The following SMURF2 variants were observed in gnomAD, a reference collection of about 807,000 sequenced individuals.
The protein encoded by SMURF2 is SMAD specific E3 ubiquitin protein ligase 2.
A neutral mutation model predicts 109.6 loss-of-function variants in SMURF2; 48 were observed. The observed-to-expected ratio is 0.44, with a 90% CI of 0.35 to 0.56. SMURF2 has a LOEUF of 0.56. Ranked by LOEUF, SMURF2 falls within the 20% of genes least tolerant of loss-of-function variation. The pLI, the probability that SMURF2 is intolerant of heterozygous loss-of-function variation, is 0.01. For synonymous variants in SMURF2, 288 were observed against 317.1 expected, an observed-to-expected ratio of 0.91 and a Z score of 0.97; for missense variants, 575 against 909.0, an observed-to-expected ratio of 0.63 and a Z score of 4.72.
At chr17:64,606,566 C>CT in intron 2 of SMURF2, 36 bp downstream of exon 2, 1 of 1,428,066 alleles carries the variant, frequency 7.0e-7, no homozygotes, top group Non-Finnish European at 9.6e-7. Context: ...CAAAGATCTA[C>CT]ATACAATACA....
intron 8 of SMURF2, among the ~76,000 whole-genome samples, chr17:64,580,377 G>A (rs73993986): frequency 0.024 from 3,673 of 152,168 alleles, 159 homozygotes; most frequent in African/African-American, 0.084. Context: ...TCAGAAATAT[G>A]CCTTTAAAAT....
At chr17:64,604,962 G>A (rs1202322294) in intron 2 of SMURF2, among the ~76,000 whole-genome samples, 3 of 151,008 alleles carry the variant, frequency 2.0e-5, no homozygotes, top group Non-Finnish European at 4.4e-5. Flanking sequence ...AAAAGGAAAA[G>A]TGCTCCCCTT....
chr17:64,614,375 G>A (rs1314701336), intron 1 of SMURF2, among the ~76,000 whole-genome samples: 1 of 152,050 alleles, frequency 6.6e-6, no homozygotes, highest in African/African-American at 2.4e-5. Context: ...TTTTATTAGT[G>A]CTAACTACAA....
chr17:64,573,247 A>G (rs1598277352), intron 9 of SMURF2, among the ~76,000 whole-genome samples: 1 of 18,608 alleles, frequency 5.4e-5, no homozygotes, highest in Admixed American at 8.9e-4. Context: ...GAGGAGGAGG[A>G]GGAGGGGAGG....
At chr17:64,613,297 T>A (rs1426489943) in intron 1 of SMURF2, among the ~76,000 whole-genome samples, 1 of 152,110 alleles carries the variant, frequency 6.6e-6, no homozygotes, top group East Asian at 1.9e-4. Context: ...CACAGCAAAT[T>A]CTCAACTAAG....
intron 15 of SMURF2, among the ~76,000 whole-genome samples, chr17:64,552,030 C>T (rs1043888983): frequency 6.6e-6 from 1 of 152,092 alleles, no homozygotes; most frequent in East Asian, 1.9e-4. Context: ...AGCATACATG[C>T]CAATAACTAG....
At chr17:64,565,896 T>C (rs1969293754) in intron 10 of SMURF2, among the ~76,000 whole-genome samples, 1 of 152,164 alleles carries the variant, frequency 6.6e-6, no homozygotes, top group Non-Finnish European at 1.5e-5. Flanking sequence ...AATGCTTTCT[T>C]AGAAGAATAT....
At chr17:64,601,559 C>T (rs1232565356) in intron 2 of SMURF2, among the ~76,000 whole-genome samples, 3 of 152,036 alleles carry the variant, frequency 2.0e-5, no homozygotes, top group African/African-American at 7.3e-5. Context: ...CAGATGTTGG[C>T]ATGGATGCAG....
In SMURF2 at chr17:64,547,188, T is replaced by C. The variant is rs75665319; in HGVS notation, c.2071+412A>G. 5.0e-3 allele frequency among the ~76,000 whole-genome samples: 754 copies of C among 152,296 alleles called. 30 individuals carry two copies. The East Asian group carries it at 0.061, about 12-fold the overall frequency. Reference sequence around the variant, plus strand: ...GCTCTGACCGAACAGATGGTTTCCATGACCCATGCTGCTTCTGTCTAATAA... The same window carrying C: ...GCTCTGACCGAACAGATGGTTTCCACGACCCATGCTGCTTCTGTCTAATAA... On this transcript the variant is annotated intron_variant, in intron 17 of 18. Coordinates refer to ENST00000262435, the MANE Select transcript of SMURF2 (RefSeq NM_022739.4). The surrounding 1 kb of genome is among the most constrained non-coding windows in gnomAD (Gnocchi z 4.2).
intron 1 of SMURF2, among the ~76,000 whole-genome samples, chr17:64,637,116 TTCTA>T (rs1446295108): frequency 7.9e-5 from 12 of 151,260 alleles, no homozygotes; most frequent in African/African-American, 2.5e-4. Context: ...AGTCTTGTGT[TTCTA>T]TCTAAGAGAT....
At position 64,576,818 on chromosome 17, in the gene SMURF2, C is replaced by T. The variant is rs192386484; in HGVS notation, c.857+1674G>A. On this transcript the variant is annotated intron_variant, in intron 9 of 18. Transcript: ENST00000262435. Reference sequence around the variant, plus strand: ...TAATTAAGAATATCAACCTACTACCCGTTTTTAAAGGGTATGTGTTCCGTT... The same window carrying T: ...TAATTAAGAATATCAACCTACTACCTGTTTTTAAAGGGTATGTGTTCCGTT... Among the ~76,000 whole-genome samples the T allele has an allele frequency of 1.8e-3, 262 of 149,482 alleles. 7 individuals are homozygous for T. The highest frequency in any genetic ancestry group is 0.017 in the Admixed American group (256 of 15,014).
At chr17:64,660,187 C>T (rs1193127911) in intron 1 of SMURF2, among the ~76,000 whole-genome samples, 1 of 152,140 alleles carries the variant, frequency 6.6e-6, no homozygotes, top group Non-Finnish European at 1.5e-5. Flanking sequence ...ATCAAAAACC[C>T]AATTTTTTCC....
intron 1 of SMURF2, among the ~76,000 whole-genome samples, chr17:64,636,601 T>G (rs1598308280): frequency 3.9e-5 from 2 of 51,598 alleles, no homozygotes; most frequent in South Asian, 1.2e-3. Context: ...AGACTCTGCC[T>G]CAAAAAAAAA....
At chr17:64,569,286 A>G (rs2144617953) in intron 10 of SMURF2, among the ~76,000 whole-genome samples, 1 of 151,720 alleles carries the variant, frequency 6.6e-6, no homozygotes, top group East Asian at 1.9e-4. Context: ...GGGTGACAAC[A>G]GGGAAACTCC....
chr17:64,589,681 G>C (rs1429907197), intron 5 of SMURF2, among the ~76,000 whole-genome samples: 2 of 151,828 alleles, frequency 1.3e-5, no homozygotes, highest in Non-Finnish European at 2.9e-5. Context: ...TCTCATGCCT[G>C]ATGATCTGTC....
At chr17:64,638,613 T>A (rs1365075286) in intron 1 of SMURF2, among the ~76,000 whole-genome samples, 1 of 152,212 alleles carries the variant, frequency 6.6e-6, no homozygotes, top group Non-Finnish European at 1.5e-5. Context: ...TCTTAACAAG[T>A]CTCTTTCATT....
At chr17:64,654,686 G>A (rs574808467) in intron 1 of SMURF2, among the ~76,000 whole-genome samples, 8 of 152,184 alleles carry the variant, frequency 5.3e-5, no homozygotes, top group East Asian at 3.9e-4. Context: ...AGAATTAGCC[G>A]GGCGCGGTGG....
rs1432008389 is a variant in SMURF2, at chr17:64,555,867, G to A, written c.1563C>T (p.Asp521=). Residue 521 remains aspartate, a synonymous_variant, in exon 14 of 19, where the codon GAC becomes GAT. Coordinates refer to ENST00000262435, the MANE Select transcript of SMURF2 (RefSeq NM_022739.4). ...GAAGATCCGGATCTACTAACTCCATGTCATCCAAGGTAATTGACTTCCCAA... is the reference window on the plus strand; with the variant it reads ...GAAGATCCGGATCTACTAACTCCATATCATCCAAGGTAATTGACTTCCCAA... The part of the protein sequence containing the change: ...QLLGKSITLD[D]MELVDPDLHN... The A allele has an allele frequency of 6.2e-7, 1 of 1,612,768 alleles. No individual in the cohort carries two copies. Among genetic ancestry groups the A allele is most frequent in the African/African-American group, 1.3e-5 (1 of 74,754 alleles).
intron 3 of SMURF2, among the ~76,000 whole-genome samples, chr17:64,595,679 C>T (rs1462352255): frequency 6.6e-6 from 1 of 152,070 alleles, no homozygotes. Context: ...TGTAAAATGA[C>T]TTTGGAAACA....
Sources: allele counts gnomAD v4.1 joint callset (sites outside exome capture counted in the v4.1 genomes callset), GRCh38; gene constraint gnomAD v4.1.1; non-coding constraint Gnocchi (gnomAD v3.1); transcripts MANE v1.5; gene names NCBI Gene and HGNC (gene_info 2026-07-23, HGNC 2026-07-21).